The following CACNA1G variants were observed in gnomAD, a reference collection of about 807,000 sequenced individuals.
The protein encoded by CACNA1G is voltage-dependent T-type calcium channel subunit alpha-1G.
In CACNA1G, 67 loss-of-function variants were observed where a neutral mutation model predicts 219.4. That is an observed-to-expected ratio of 0.31 (90% CI 0.25 to 0.37). The LOEUF is 0.37. Among genes scored for constraint, CACNA1G ranks in the 10% least tolerant of loss-of-function variants. The pLI is 1.00. For synonymous variants in CACNA1G, 1,296 were observed against 1,345.3 expected (o/e 0.96, Z 0.80); for missense variants, 2,380 against 3,231.4 (o/e 0.74, Z 6.39).
rs761391637 is a variant in CACNA1G, at chr17:50,626,712, C to T, written c.7095C>T (p.Leu2365=). 5.0e-6 allele frequency: 8 copies of T among 1,613,178 alleles called. No homozygotes were observed. The highest frequency in any genetic ancestry group is 6.8e-6 in the Non-Finnish European group (8 of 1,179,896). ...SPSPKKDVLS[L]SGLSSDPADL... ...CCCCAAAGAAAGATGTGCTGAGTCTCTCCGGTTTATCCTCTGACCCAGCAG... is the reference window on the plus strand; with the variant it reads ...CCCCAAAGAAAGATGTGCTGAGTCTTTCCGGTTTATCCTCTGACCCAGCAG... Residue 2365 remains leucine (L), a synonymous_variant, in exon 38 of 38, where the codon CTC becomes CTT. Transcript: ENST00000359106. This position sits in a 1 kb window ranked among gnomAD's most constrained non-coding sequence, Gnocchi z 4.3.
rs141905151 is a variant in CACNA1G, at chr17:50,603,679, C to T, written c.4170-476C>T. ...CCAGGGATCCACCCTCTCAGGAATC[C>T]CTTTCCAATCAGCCAGTCACCACCC... On this transcript the variant is annotated intron_variant, in intron 21 of 37. Coordinates refer to ENST00000359106, the MANE Select transcript of CACNA1G (RefSeq NM_018896.5). This position sits in a 1 kb window ranked among gnomAD's most constrained non-coding sequence, Gnocchi z 6.4. 9.2e-5 allele frequency among the ~76,000 whole-genome samples: 14 copies of T among 151,910 alleles called. No homozygotes were observed. The East Asian group carries it at 2.3e-3, about 25-fold the overall frequency.
intron 9 of CACNA1G, among the ~76,000 whole-genome samples, chr17:50,580,117 G>T (rs2041615116): frequency 6.6e-6 from 1 of 151,946 alleles, no homozygotes; most frequent in Non-Finnish European, 1.5e-5. Context: ...AGAGAGAGTG[G>T]GACCCTGGCT....
At chr17:50,599,084 G>A (rs2046113902) in intron 16 of CACNA1G, among the ~76,000 whole-genome samples, 1 of 152,158 alleles carries the variant, frequency 6.6e-6, no homozygotes. Context: ...TTTAGATTGG[G>A]TTGATTTTTT....
chr17:50,569,416 G>A, intron 3 of CACNA1G, 118 bp downstream of exon 3: 1 of 1,111,566 alleles, frequency 9.0e-7, no homozygotes, highest in Non-Finnish European at 1.3e-6. Flanking sequence ...CTTTCTCCCT[G>A]GCTATCTCCT....
At chr17:50,606,054 G>A in intron 23 of CACNA1G, 31 bp downstream of exon 23, 2 of 1,613,876 alleles carry the variant, frequency 1.2e-6, no homozygotes, top group South Asian at 1.1e-5. Context: ...TGGGGCTGTG[G>A]TGAAGGAGGC....
Position 50,560,854 on chromosome 17 carries a change from G to A in CACNA1G, c.-606G>A, listed in dbSNP as rs62059718. On this transcript the variant is annotated 5_prime_UTR_variant, in exon 1 of 38. Transcript: ENST00000359106. Reference sequence around the variant, plus strand: ...CGGCGGCATCTCCGCCTCCACTCCCGCCCGGGACTGCCCCCCACTGTCTCC... The same window carrying A: ...CGGCGGCATCTCCGCCTCCACTCCCACCCGGGACTGCCCCCCACTGTCTCC... 0.1 allele frequency among the ~76,000 whole-genome samples: 15,159 copies of A among 151,718 alleles called. 818 individuals are homozygous for A. The highest frequency in any genetic ancestry group is 0.12 in the Middle Eastern group (35 of 290).
intron 34 of CACNA1G, among the ~76,000 whole-genome samples, chr17:50,620,445 C>T (rs952085442): frequency 1.1e-4 from 17 of 152,200 alleles, no homozygotes; most frequent in African/African-American, 3.9e-4. Flanking sequence ...CAAGCCCAGC[C>T]CCTTCCCACA....
rs770439946 is a variant in CACNA1G at position 50,627,163 on chromosome 17, T to C, written c.*412T>C. The C allele has an allele frequency of 1.5e-5, 7 of 457,332 alleles. No individual in the cohort carries two copies. Among genetic ancestry groups the C allele is most frequent in the South Asian group, 1.1e-4 (7 of 64,504 alleles). 28.3% of individuals were successfully genotyped at this position (457,332 alleles called of 1,614,324 possible). ...AATATTTTTGAGGCGAAGGCGTCTGTCTCTTGGCTATTTTAACCTAAAATA... is the reference window on the plus strand; with the variant it reads ...AATATTTTTGAGGCGAAGGCGTCTGCCTCTTGGCTATTTTAACCTAAAATA... On this transcript the variant is annotated 3_prime_UTR_variant, in exon 38 of 38. Transcript: ENST00000359106.
Position 50,627,017 on chromosome 17 carries a change from C to T in CACNA1G, c.*266C>T, listed in dbSNP as rs545730638. 76 of 644,214 alleles carry T rather than the reference C, an allele frequency of 1.2e-4. No individual in the cohort carries two copies. The highest frequency in any genetic ancestry group is 1.9e-4 in the Non-Finnish European group (65 of 350,374). The allele number at this position is 644,214 out of a possible 1,614,324, so 39.9% of individuals were successfully genotyped here. A position where few individuals can be genotyped will look rare whatever the true frequency, so the allele number is the denominator to read the frequency against. ...CAGAAGCTGTTGGGAGAAAGCAATA[C>T]GTTTGTGCAGAATCTCTATGTATAT... On this transcript the variant is annotated 3_prime_UTR_variant, in exon 38 of 38. Transcript: ENST00000359106.
chr17:50,594,861 C>T (rs1665005512), intron 13 of CACNA1G, 132 bp from the exon 14 acceptor site: 7 of 639,408 alleles, frequency 1.1e-5, no homozygotes, highest in African/African-American at 3.6e-5. Context: ...CCCCATTCCC[C>T]GTGTCTCTCA....
chr17:50,591,340 C>G, intron 10 of CACNA1G, 95 bp from the exon 11 acceptor site: 2 of 1,277,766 alleles, frequency 1.6e-6, no homozygotes, highest in Non-Finnish European at 2.1e-6. Flanking sequence ...ACGTGCCCAC[C>G]CAGCCAGGCC....
Position 50,589,665 on chromosome 17 carries a change from G to A in CACNA1G, c.2302-806G>A, listed in dbSNP as rs146592417. On this transcript the variant is annotated intron_variant, in intron 9 of 37. Transcript: ENST00000359106. The stretch of plus-strand genomic sequence containing the variant: ...TCCTCAGTCCCAGTCCCAGACTCGG[G>A]TAGGGAGCATGAAAGGAATTACCTC... Among the ~76,000 whole-genome samples, 733 of 152,274 alleles carry A rather than the reference G, an allele frequency of 4.8e-3. 7 individuals carry two copies. Among genetic ancestry groups the A allele is most frequent in the Non-Finnish European group, 7.0e-3 (475 of 68,028 alleles).
chr17:50,577,064 G>T (rs1598173062), intron 8 of CACNA1G, among the ~76,000 whole-genome samples: 1 of 152,226 alleles, frequency 6.6e-6, no homozygotes, highest in African/African-American at 2.4e-5. Flanking sequence ...ATATTCGTGG[G>T]GATGTTACGT....
chr17:50,588,407 G>A (rs183709890), intron 9 of CACNA1G, among the ~76,000 whole-genome samples: 28 of 152,380 alleles, frequency 1.8e-4, no homozygotes, highest in African/African-American at 4.8e-4. Context: ...TCCAAGGCCC[G>A]AAAACACGGC....
rs2053854426 is a variant in CACNA1G, at chr17:50,626,579, C to T, written c.6962C>T (p.Pro2321Leu). 3 of 1,606,746 alleles carry T rather than the reference C, an allele frequency of 1.9e-6. No individual in the cohort carries two copies. The highest frequency in any genetic ancestry group is 2.5e-6 in the Non-Finnish European group (3 of 1,176,830). Reference sequence around the variant, plus strand: ...ATAGACCCCCCCGAGAGCCAAGGTCCTCGGACCCCGCCCAGCCCTGGTATC... The same window carrying T: ...ATAGACCCCCCCGAGAGCCAAGGTCTTCGGACCCCGCCCAGCCCTGGTATC... The part of the protein sequence containing the change: ...ITIDPPESQG[P>L]RTPPSPGICL... The change falls in exon 38 of 38, where the codon CCT becomes CTT. Residue 2321 changes from proline to leucine, a missense_variant. Pro to Leu is a moderately conservative substitution (Grantham distance 98). Around this residue, in one of 17 missense-constraint regions of CACNA1G, gnomAD observed 672 missense variants for 670.5 expected, o/e 1.00. Coordinates refer to ENST00000359106, the MANE Select transcript of CACNA1G (RefSeq NM_018896.5). The surrounding 1 kb of genome is among the most constrained non-coding windows in gnomAD (Gnocchi z 4.3).
Position 50,596,329 on chromosome 17 carries a change from A to G in CACNA1G, c.2980-233A>G, listed in dbSNP as rs1364374811. ...CAGGCTGGTTGTGCTGTGGGCTCACATAAGCTGTGGCCTTTTCTGAGGTGT... is the reference window on the plus strand; with the variant it reads ...CAGGCTGGTTGTGCTGTGGGCTCACGTAAGCTGTGGCCTTTTCTGAGGTGT... On this transcript the variant is annotated intron_variant, in intron 14 of 37. Transcript: ENST00000359106. This position sits in a 1 kb window ranked among gnomAD's most constrained non-coding sequence, Gnocchi z 4.8. Among the ~76,000 whole-genome samples the G allele has an allele frequency of 6.6e-6, 1 of 152,178 alleles. No homozygotes were observed. The highest frequency in any genetic ancestry group is 2.4e-5 in the African/African-American group (1 of 41,438).
Position 50,619,694 on chromosome 17 carries a change from G to C in CACNA1G, c.5793G>C (p.Leu1931=), listed in dbSNP as rs781394489. Residue 1931 remains leucine (L), a synonymous_variant, in exon 34 of 38, where the codon CTG becomes CTC. Transcript: ENST00000359106. ...FSLEHPTDRQ[L]FDTISLLIQG... ...GGCTGGCTCCCCAGGACAGGCAGCT[G>C]TTTGACACCATATCCCTGCTGATCC... 2 of 1,609,976 alleles carry C rather than the reference G, an allele frequency of 1.2e-6. No homozygotes were observed. The highest frequency in any genetic ancestry group is 1.3e-5 in the African/African-American group (1 of 74,910).
chr17:50,579,234 C>T (rs981686934), intron 9 of CACNA1G, among the ~76,000 whole-genome samples: 6 of 152,172 alleles, frequency 3.9e-5, no homozygotes, highest in Non-Finnish European at 7.3e-5. Flanking sequence ...AAGGGCTCAG[C>T]AGGGACAGGC....
intron 14 of CACNA1G, 100 bp downstream of exon 14, chr17:50,595,161 T>TATGACAGGTTGCACAGCAGC: frequency 2.4e-6 from 2 of 846,094 alleles, no homozygotes; most frequent in Non-Finnish European, 3.8e-6. Flanking sequence ...GCTCCGCTGC[T>TATGACAGGTTGCACAGCAGC]GTGCAACCTG....
Sources: gnomAD v4.1 joint callset for allele counts (sites outside exome capture counted in the v4.1 genomes callset) on GRCh38, gnomAD v4.1.1 for gene constraint, gnomAD v4.1.1 regional missense constraint, Gnocchi (gnomAD v3.1) non-coding constraint, MANE v1.5 for transcripts, NCBI Gene and HGNC (gene_info 2026-07-23, HGNC 2026-07-21) for gene names.